EMX2: variants seen among roughly 807,000 people sequenced by gnomAD.
EMX2 encodes empty spiracles homeobox 2, also known as homeobox protein EMX2.
A neutral mutation model predicts 23.0 loss-of-function variants in EMX2; 6 were observed. The observed-to-expected ratio is 0.26, with a 90% confidence interval of 0.14 to 0.52. The LOEUF (loss-of-function observed/expected upper bound fraction) is 0.52, where lower values mean the gene tolerates loss of function less well. Among genes scored for constraint, EMX2 ranks in the 20% least tolerant of loss-of-function variants. EMX2 has a pLI of 0.97. For missense variants in EMX2, 302 were observed against 341.4 expected (o/e 0.88, Z 0.91); for synonymous variants, 175 against 153.3 (o/e 1.14, Z -1.04).
chr10:117,547,550 G>A (rs1846596439), intron 2 of EMX2, among the ~76,000 whole-genome samples: 2 of 152,158 alleles, frequency 1.3e-5, no homozygotes, highest in African/African-American at 4.8e-5. Context: ...CCCCCGCCAC[G>A]AAGAGGAGAC....
At position 117,543,201 on chromosome 10, in the gene EMX2, G is replaced by A. The variant is rs1846518213; in HGVS notation, c.-67G>A. ...CGTCCGTCCTCGCCGCGGGCAGCGG[G>A]CGGCGGAGGCAGCGTGCGGCGGTCG... On this transcript the variant is annotated 5_prime_UTR_variant, in exon 1 of 3. Coordinates refer to ENST00000553456, the MANE Select transcript of EMX2 (RefSeq NM_004098.4). 9 of 1,286,774 alleles carry A rather than the reference G, an allele frequency of 7.0e-6. No homozygotes were observed. The highest frequency in any genetic ancestry group is 7.9e-6 in the Non-Finnish European group (8 of 1,008,142). The allele number at this position is 1,286,774 out of a possible 1,614,324, so 79.7% of individuals were successfully genotyped here.
chr10:117,544,528 G>A (rs1194776176), intron 1 of EMX2: 4 of 152,156 alleles, frequency 2.6e-5, no homozygotes, highest in African/African-American at 7.2e-5. Context: ...AGAAAAAGGA[G>A]TAATTAGTTT....
rs1282051573 is a variant in EMX2, at chr10:117,543,336, C to G, written c.69C>G (p.Pro23=). 1 of 1,555,860 alleles carries G rather than the reference C, an allele frequency of 6.4e-7. No individual in the cohort carries two copies. Among genetic ancestry groups the G allele is most frequent in the South Asian group, 1.2e-5 (1 of 84,566 alleles). ...ESLVAKDSPL[P]ASRSEDPIRP... ...TGGTGGCCAAGGACAGTCCCCTGCC[C>G]GCCTCGCGCTCCGAGGACCCCATCC... The change falls in exon 1 of 3, where the codon CCC becomes CCG. Residue 23 remains proline, a synonymous_variant. Transcript: ENST00000553456.
chr10:117,548,602 G>A lies in EMX2; in HGVS notation c.*370G>A. 2 of 494,698 alleles carry A rather than the reference G, an allele frequency of 4.0e-6. No individual in the cohort carries two copies. The highest frequency in any genetic ancestry group is 7.0e-6 in the Non-Finnish European group (2 of 283,890). The allele number at this position is 494,698 out of a possible 1,614,324, so 30.6% of individuals were successfully genotyped here. A position where few individuals can be genotyped will look rare whatever the true frequency, so the allele number is the denominator to read the frequency against. On this transcript the variant is annotated 3_prime_UTR_variant, in exon 3 of 3. Coordinates refer to ENST00000553456, the MANE Select transcript of EMX2 (RefSeq NM_004098.4). ...CTGAACGTGCACTCTGACAAGGGGA[G>A]CTGTCAATCAAACACCAAACCGGGG...
rs1182586370 is a variant in EMX2 at position 117,548,234 on chromosome 10, A to T, written c.*2A>T. 6.2e-7 allele frequency: 1 copy of T among 1,613,662 alleles called. No homozygotes were observed. The highest frequency in any genetic ancestry group is 1.7e-5 in the Admixed American group (1 of 59,988). ...ATAGACGTGACCTCAGATGATTAAA[A>T]ACATAAACCTAACCCCACAGAAACG... On this transcript the variant is annotated 3_prime_UTR_variant, in exon 3 of 3. Coordinates refer to ENST00000553456, the MANE Select transcript of EMX2 (RefSeq NM_004098.4).
intron 1 of EMX2, among the ~76,000 whole-genome samples, chr10:117,544,060 C>T (rs1398908802): frequency 6.6e-6 from 1 of 152,248 alleles, no homozygotes; most frequent in Non-Finnish European, 1.5e-5. Context: ...CCGAGGGGCG[C>T]GGACAGGACT....
intron 2 of EMX2, among the ~76,000 whole-genome samples, chr10:117,546,580 T>A (rs1483558186): frequency 6.6e-6 from 1 of 152,218 alleles, no homozygotes; most frequent in Non-Finnish European, 1.5e-5. Flanking sequence ...AGGCTTTTGT[T>A]TTAAAACATG....
In EMX2 at chr10:117,543,209, G is replaced by A. The variant is rs1177539969; in HGVS notation, c.-59G>A. On this transcript the variant is annotated 5_prime_UTR_variant, in exon 1 of 3. Coordinates refer to ENST00000553456, the MANE Select transcript of EMX2 (RefSeq NM_004098.4). The stretch of plus-strand genomic sequence containing the variant: ...CTCGCCGCGGGCAGCGGGCGGCGGA[G>A]GCAGCGTGCGGCGGTCGCCAGGAGC... 5 of 1,273,560 alleles carry A rather than the reference G, an allele frequency of 3.9e-6. No individual in the cohort carries two copies. In the African/African-American group the frequency reaches 8.5e-5, roughly 22 times the overall value. 78.9% of individuals were successfully genotyped at this position (1,273,560 alleles called of 1,614,324 possible). A position where few individuals can be genotyped will look rare whatever the true frequency, so the allele number is the denominator to read the frequency against.
In EMX2 at chr10:117,543,573, G is replaced by T. The variant is rs746267515; in HGVS notation, c.306G>T (p.Ser102=). The part of the protein sequence containing the change: ...HALAAHPLPS[S]HSPHPLFASQ... Reference sequence around the variant, plus strand: ...TGGCCGCCCACCCCCTACCCTCCTCGCACTCGCCACACCCCCTATTCGCCT... The same window carrying T: ...TGGCCGCCCACCCCCTACCCTCCTCTCACTCGCCACACCCCCTATTCGCCT... Residue 102 remains serine, a synonymous_variant, in exon 1 of 3, where the codon TCG becomes TCT. Coordinates refer to ENST00000553456, the MANE Select transcript of EMX2 (RefSeq NM_004098.4). The T allele has an allele frequency of 1.9e-6, 3 of 1,602,190 alleles. No individual in the cohort carries two copies. Among genetic ancestry groups the T allele is most frequent in the Non-Finnish European group, 1.7e-6 (2 of 1,176,890 alleles).
chr10:117,543,426 GGCC>G lies in EMX2; in HGVS notation c.176_178del (p.Ala59del), dbSNP rs756693906. The G allele has an allele frequency of 2.0e-4, 327 of 1,597,242 alleles. No homozygotes were observed. Among genetic ancestry groups the G allele is most frequent in the Non-Finnish European group, 2.5e-4 (297 of 1,172,754 alleles). On this transcript the variant is annotated inframe_deletion, in exon 1 of 3. Transcript: ENST00000553456. ...ATCCGTTCCTCAACGGCTTCCACTCGGCCGCCGCCGCCGCCGCCGGTAGGGGCG... is the reference window on the plus strand; with the variant it reads ...ATCCGTTCCTCAACGGCTTCCACTCGGCCGCCGCCGCCGCCGGTAGGGGCG...
chr10:117,545,600 C>T lies in EMX2; in HGVS notation c.407-32C>T, dbSNP rs559409554. On this transcript the variant is annotated intron_variant, in intron 1 of 2. Transcript: ENST00000553456. ...GCGCGGCTCCGGTCAGAGCAGCCCCCCCTAATGGGATTTCTGCTGTGCTCC... is the reference window on the plus strand; with the variant it reads ...GCGCGGCTCCGGTCAGAGCAGCCCCTCCTAATGGGATTTCTGCTGTGCTCC... 3.7e-6 allele frequency: 6 copies of T among 1,613,332 alleles called. No individual in the cohort carries two copies. The South Asian group carries it at 5.5e-5, about 15-fold the overall frequency.
chr10:117,546,873 T>C lies in EMX2; in HGVS notation c.591+1057T>C, dbSNP rs530657469. On this transcript the variant is annotated intron_variant, in intron 2 of 2. Transcript: ENST00000553456. The stretch of plus-strand genomic sequence containing the variant: ...GCTCAGCTTTTTTCATGGAGCACTT[T>C]GGGCGACTGTGGCTTTCCGGGAGAG... Among the ~76,000 whole-genome samples the C allele has an allele frequency of 1.5e-4, 23 of 152,364 alleles. No homozygotes were observed. In the South Asian group the frequency reaches 4.8e-3, roughly 32 times the overall value.
At chr10:117,545,132 C>T (rs1417203982) in intron 1 of EMX2, 3 of 153,520 alleles carry the variant, frequency 2.0e-5, no homozygotes, top group Non-Finnish European at 2.9e-5. Flanking sequence ...TATACTTTTC[C>T]GGAGGGGCAA....
intron 1 of EMX2, chr10:117,544,976 C>T (rs990706962): frequency 1.3e-5 from 2 of 152,182 alleles, no homozygotes; most frequent in Admixed American, 6.5e-5. Context: ...CCCCGGGTTT[C>T]GATCCCTTCG....
In EMX2 at chr10:117,545,760, G is replaced by A. The variant is rs371880298; in HGVS notation, c.535G>A (p.Val179Met). ...ACACGCCTTTGAGAAGAATCACTACGTGGTGGGCGCCGAAAGGAAGCAGCT... is the reference window on the plus strand; with the variant it reads ...ACACGCCTTTGAGAAGAATCACTACATGGTGGGCGCCGAAAGGAAGCAGCT... Reference protein sequence around the residue: ...LEHAFEKNHYVVGAERKQLAH... With the variant: ...LEHAFEKNHYMVGAERKQLAH... Residue 179 changes from valine to methionine, a missense_variant, in exon 2 of 3, where the codon GTG becomes ATG. Around this residue, in one of 4 missense-constraint regions of EMX2, gnomAD observed 37 missense variants for 69.1 expected, o/e 0.54. Transcript: ENST00000553456. The A allele has an allele frequency of 3.0e-5, 48 of 1,613,908 alleles. No individual in the cohort carries two copies. The highest frequency in any genetic ancestry group is 3.9e-5 in the Non-Finnish European group (46 of 1,180,054).
intron 2 of EMX2, 148 bp from the exon 3 acceptor site, chr10:117,547,917 T>G: frequency 8.8e-7 from 1 of 1,135,080 alleles, no homozygotes; most frequent in Non-Finnish European, 1.3e-6. Flanking sequence ...GGGCAGGCCT[T>G]GGGGAGGCTG....
At position 117,545,835 on chromosome 10, in the gene EMX2, C is replaced by G. The variant is rs751992770; in HGVS notation, c.591+19C>G. ...AACTCAGGTGACTGCGGCCCGGGCG[C>G]GAGGAACCCATCTAGGCGTGCGCCC... On this transcript the variant is annotated intron_variant, in intron 2 of 2. Coordinates refer to ENST00000553456, the MANE Select transcript of EMX2 (RefSeq NM_004098.4). 2 of 1,613,556 alleles carry G rather than the reference C, an allele frequency of 1.2e-6. No homozygotes were observed. Among genetic ancestry groups the G allele is most frequent in the South Asian group, 2.2e-5 (2 of 91,084 alleles).
Position 117,548,262 on chromosome 10 carries a change from C to G in EMX2, c.*30C>G. The stretch of plus-strand genomic sequence containing the variant: ...ATAAACCTAACCCCACAGAAACGGA[C>G]AACATGGAGCAAAAGAGACAGGGAG... On this transcript the variant is annotated 3_prime_UTR_variant, in exon 3 of 3. Coordinates refer to ENST00000553456, the MANE Select transcript of EMX2 (RefSeq NM_004098.4). 2 of 1,610,968 alleles carry G rather than the reference C, an allele frequency of 1.2e-6. No homozygotes were observed. Among genetic ancestry groups the G allele is most frequent in the Non-Finnish European group, 1.7e-6 (2 of 1,178,584 alleles).
chr10:117,545,864 C>T (rs1477637999), intron 2 of EMX2, 48 bp downstream of exon 2: 1 of 1,611,942 alleles, frequency 6.2e-7, no homozygotes. Context: ...TGCGCCCCCT[C>T]CCCAAAGCTG....
Sources: gnomAD v4.1 joint callset for allele counts (sites outside exome capture counted in the v4.1 genomes callset) on GRCh38, gnomAD v4.1.1 for gene constraint, gnomAD v4.1.1 regional missense constraint, MANE v1.5 for transcripts, NCBI Gene and HGNC (gene_info 2026-07-23, HGNC 2026-07-21) for gene names.